Variants in TG observed in about 807,000 individuals in gnomAD.
The protein encoded by TG is thyroglobulin, also known as thyroid hormones.
Under a neutral mutation model 324.7 loss-of-function variants are expected in TG, and 270 were observed. The ratio of observed to expected loss-of-function variants is 0.83; its 90% CI spans 0.75 to 0.92. The LOEUF (loss-of-function observed/expected upper bound fraction) is 0.92. TG is among the 40% of genes least tolerant of loss of function. The pLI is 0.00. For synonymous variants in TG, 1,401 were observed against 1,327.0 expected (o/e 1.06, Z -1.21); for missense variants, 3,591 against 3,456.4 (o/e 1.04, Z -0.98).
intron 40 of TG, among the ~76,000 whole-genome samples, chr8:133,022,353 C>T (rs1484038154): frequency 6.6e-6 from 1 of 152,208 alleles, no homozygotes; most frequent in Non-Finnish European, 1.5e-5. Context: ...TGATAACTTA[C>T]TACATGTCTG....
intron 5 of TG, among the ~76,000 whole-genome samples, chr8:132,878,847 T>C: frequency 6.6e-6 from 1 of 152,150 alleles, no homozygotes; most frequent in East Asian, 1.9e-4. Context: ...AAATCACCAT[T>C]CGTGGCTTTA....
At chr8:133,044,839 C>T (rs1288511471) in intron 41 of TG, 4 of 761,772 alleles carry the variant, frequency 5.3e-6, no homozygotes, top group Non-Finnish European at 8.7e-6. Flanking sequence ...CTGAAATTTA[C>T]AGTCTGAATT....
intron 6 of TG, 114 bp downstream of exon 6, chr8:132,882,083 G>C: frequency 1.3e-6 from 1 of 751,608 alleles, no homozygotes; most frequent in Non-Finnish European, 2.3e-6. Flanking sequence ...CCCCCTGCCA[G>C]GCTGCTGTGG....
chr8:133,110,006 G>T (rs1251142500), intron 43 of TG, among the ~76,000 whole-genome samples: 1 of 152,172 alleles, frequency 6.6e-6, no homozygotes, highest in Non-Finnish European at 1.5e-5. Flanking sequence ...TTTGTACAGT[G>T]ATTGCCAGAT....
Position 132,908,194 on chromosome 8 carries a change from C to A in TG, c.3856C>A (p.Leu1286Met), listed in dbSNP as rs1064796627. The A allele has an allele frequency of 1.9e-6, 3 of 1,613,900 alleles. No individual in the cohort carries two copies. Among genetic ancestry groups the A allele is most frequent in the Admixed American group, 3.3e-5 (2 of 60,006 alleles). Reference sequence around the variant, plus strand: ...CTGGTGCTTGCCTGCAGGGCCCCAGCTGTGGCAGACCATCCAGACCCAAGG... The same window carrying A: ...CTGGTGCTTGCCTGCAGGGCCCCAGATGTGGCAGACCATCCAGACCCAAGG... ...PQPRACQRPQ[L>M]WQTIQTQGHF... Residue 1286 changes from leucine (L) to methionine (M), a missense_variant, in exon 18 of 48, where the codon CTG (leucine) becomes ATG (methionine). Coordinates refer to ENST00000220616, the MANE Select transcript of TG (RefSeq NM_003235.5).
chr8:132,974,272 G>A (rs764223085), intron 34 of TG, among the ~76,000 whole-genome samples: 3 of 152,150 alleles, frequency 2.0e-5, no homozygotes, highest in Non-Finnish European at 4.4e-5. Flanking sequence ...GGGATTACAG[G>A]CGTGAGCCAC....
At chr8:132,906,965 A>G in intron 17 of TG, 65 bp downstream of exon 17, 2 of 1,512,678 alleles carry the variant, frequency 1.3e-6, no homozygotes, top group Non-Finnish European at 9.0e-7. Context: ...TGGGACCGAG[A>G]TATGGAGGCG....
chr8:132,883,617 A>T (rs1814973433), intron 8 of TG, among the ~76,000 whole-genome samples: 1 of 152,142 alleles, frequency 6.6e-6, no homozygotes. Flanking sequence ...TTGTTATCCT[A>T]ACAAAGGCTT....
At position 132,978,045 on chromosome 8, in the gene TG, A is replaced by G. The variant is rs559024039; in HGVS notation, c.6199+5304A>G. ...CTGTGTTCATCCATTTTGCATTGCT[A>G]TAAAGGAGTATCCAAGACTGGGTAA... is the stretch of plus-strand genomic sequence containing the variant. On this transcript the variant is annotated intron_variant, in intron 34 of 47. Transcript: ENST00000220616. Among the ~76,000 whole-genome samples, 7 of 152,338 alleles carry G rather than the reference A, an allele frequency of 4.6e-5. No homozygotes were observed. In the South Asian group the frequency reaches 8.3e-4, roughly 18 times the overall value.
At chr8:132,949,062 AAAAAAAAC>A in intron 27 of TG, 119 bp downstream of exon 27, 1 of 942,664 alleles carries the variant, frequency 1.1e-6, no homozygotes, top group Non-Finnish European at 1.6e-6. Context: ...CTGAAAAAAA[AAAAAAAAC>A]TTTACCAATC....
At chr8:133,016,589 G>A (rs1008890724) in intron 37 of TG, among the ~76,000 whole-genome samples, 1 of 152,228 alleles carries the variant, frequency 6.6e-6, no homozygotes, top group Non-Finnish European at 1.5e-5. Flanking sequence ...AGAAGGATCT[G>A]CAGAGAAAGC....
At chr8:133,132,084 T>A in intron 46 of TG, 138 bp downstream of exon 46, 1 of 1,351,062 alleles carries the variant, frequency 7.4e-7, no homozygotes, top group Non-Finnish European at 1.0e-6. Context: ...GCCACTGGCC[T>A]CCCTGTCTCA....
At chr8:133,041,068 C>T (rs1296986587) in intron 41 of TG, among the ~76,000 whole-genome samples, 1 of 152,176 alleles carries the variant, frequency 6.6e-6, no homozygotes, top group African/African-American at 2.4e-5. Context: ...CTGTACTCAG[C>T]CATCTTAGAG....
rs530670609 is a variant in TG, at chr8:133,010,856, G to A, written c.6263-1045G>A. On this transcript the variant is annotated intron_variant, in intron 35 of 47. Coordinates refer to ENST00000220616, the MANE Select transcript of TG (RefSeq NM_003235.5). ...CCATGCTGAGACAGCCACGTCCTAC[G>A]TACAGGACTAGGGAGGCAGCACCAG... Among the ~76,000 whole-genome samples the A allele has an allele frequency of 7.9e-5, 12 of 152,258 alleles. 1 individual carries two copies. The highest frequency in any genetic ancestry group is 3.4e-3 in the Middle Eastern group (1 of 294).
chr8:132,920,764 C>T (rs1820993196), intron 21 of TG, among the ~76,000 whole-genome samples: 2 of 152,232 alleles, frequency 1.3e-5, no homozygotes, highest in South Asian at 4.1e-4. Context: ...ACTCTCCCTT[C>T]TTACTGGCAC....
At chr8:132,911,674 CA>C in intron 19 of TG, 141 bp downstream of exon 19, 1 of 717,684 alleles carries the variant, frequency 1.4e-6, no homozygotes, top group East Asian at 2.7e-5. Flanking sequence ...TATTTAAAAA[CA>C]TATAATAATC....
At chr8:132,873,476 T>TCGG (rs1303992674) in intron 5 of TG, among the ~76,000 whole-genome samples, 2 of 152,222 alleles carry the variant, frequency 1.3e-5, no homozygotes. Flanking sequence ...TGAAGACATA[T>TCGG]CGGCTAGGGT....
chr8:133,005,833 C>T (rs1292884480), intron 35 of TG, among the ~76,000 whole-genome samples: 4 of 152,090 alleles, frequency 2.6e-5, no homozygotes, highest in Admixed American at 6.5e-5. Flanking sequence ...TGTGTGGTCT[C>T]GCACCACTAG....
chr8:132,966,410 C>A, intron 29 of TG, 150 bp from the exon 30 acceptor site: 1 of 1,024,640 alleles, frequency 9.8e-7, no homozygotes, highest in Non-Finnish European at 1.5e-6. Flanking sequence ...TGGTTTCACA[C>A]AGCATAAAAA....
Sources: allele counts gnomAD v4.1 joint callset (sites outside exome capture counted in the v4.1 genomes callset), GRCh38; gene constraint gnomAD v4.1.1; transcripts MANE v1.5; gene names NCBI Gene and HGNC (gene_info 2026-07-23, HGNC 2026-07-21).